Variants in RMP64 observed in about 807,000 individuals in gnomAD.
The protein encoded by RMP64 is nucleolus and neural progenitor protein.
chr3:113,005,108 G>C, the RMP64 span: 3 of 206,282 alleles, frequency 1.5e-5, no homozygotes, highest in African/African-American at 7.0e-5. Context: ...GTATAATGGA[G>C]CCAATAAGAC....
the RMP64 span, chr3:113,012,546 A>G: frequency 4.5e-6 from 2 of 439,974 alleles, no homozygotes; most frequent in Admixed American, 4.0e-5. Context: ...TACAAAGCCT[A>G]CTCCTTTGAT....
the RMP64 span, chr3:113,019,253 T>A: frequency 2.2e-6 from 1 of 459,042 alleles, no homozygotes; most frequent in Non-Finnish European, 3.9e-6. Context: ...CGGCACCAGC[T>A]GAGTCCACCT....
the RMP64 span, chr3:113,014,031 A>G: frequency 1.9e-6 from 3 of 1,605,292 alleles, no homozygotes; most frequent in South Asian, 1.1e-5. Flanking sequence ...ACATTGCTCA[A>G]CCTGAAAGAA....
At chr3:113,019,399 G>A in the RMP64 span, 3 of 652,278 alleles carry the variant, frequency 4.6e-6, no homozygotes, top group African/African-American at 3.7e-5. Flanking sequence ...TGCTGGGACC[G>A]CTCGACCCCT....
the RMP64 span, chr3:113,017,557 A>C: frequency 6.2e-7 from 1 of 1,614,048 alleles, no homozygotes; most frequent in South Asian, 1.1e-5. Flanking sequence ...CTTCAGCGAC[A>C]GTATGACGAG....
At chr3:113,010,965 GC>G in the RMP64 span, 1 of 1,276,758 alleles carries the variant, frequency 7.8e-7, no homozygotes, top group Non-Finnish European at 1.1e-6. Flanking sequence ...TCTATGCAAT[GC>G]ATGACTATTA....
the RMP64 span, chr3:113,010,723 T>C: frequency 3.7e-6 from 6 of 1,603,268 alleles, no homozygotes; most frequent in East Asian, 1.1e-4. Flanking sequence ...GTGGAAAAAT[T>C]GCAGATACAA....
At chr3:113,015,554 T>C in the RMP64 span, among the ~76,000 whole-genome samples, 1 of 151,162 alleles carries the variant, frequency 6.6e-6, no homozygotes, top group Non-Finnish European at 1.5e-5. Context: ...TCTGCCAGCA[T>C]GCCCTACATG....
the RMP64 span, chr3:113,013,407 G>T: frequency 2.7e-6 from 4 of 1,498,314 alleles, no homozygotes; most frequent in East Asian, 2.5e-5. Context: ...ATTTTCACTT[G>T]AAAAAAATAG....
At chr3:113,011,261 G>C in the RMP64 span, 1 of 1,613,354 alleles carries the variant, frequency 6.2e-7, no homozygotes, top group East Asian at 2.2e-5. Context: ...TCAAAATATG[G>C]CTGTCCTAAA....
chr3:113,002,992 AG>A, the RMP64 span: 7 of 152,428 alleles, frequency 4.6e-5, no homozygotes, highest in African/African-American at 1.7e-4. Flanking sequence ...GAGGATTGGA[AG>A]TGACACACAG....
At chr3:113,009,006 C>A in the RMP64 span, among the ~76,000 whole-genome samples, 3 of 152,092 alleles carry the variant, frequency 2.0e-5, no homozygotes, top group African/African-American at 7.2e-5. Context: ...CTGGGCAAAC[C>A]TCCTCAATTT....
chr3:113,010,156 A>G, the RMP64 span, among the ~76,000 whole-genome samples: 1 of 152,328 alleles, frequency 6.6e-6, no homozygotes, highest in South Asian at 2.1e-4. Context: ...ACCGTAGCTA[A>G]TAACATCTAA....
the RMP64 span, chr3:113,011,481 G>A: frequency 7.5e-7 from 1 of 1,333,980 alleles, no homozygotes; most frequent in Non-Finnish European, 1.0e-6. Context: ...CTGCAAGATT[G>A]AAAGCTGAAA....
At chr3:113,013,349 C>T in the RMP64 span, 1 of 1,613,802 alleles carries the variant, frequency 6.2e-7, no homozygotes, top group Non-Finnish European at 8.5e-7. Context: ...ACACCAACTC[C>T]ACCACTGGCT....
chr3:113,011,125 T>C, the RMP64 span: 2 of 1,613,414 alleles, frequency 1.2e-6, no homozygotes, highest in Non-Finnish European at 1.7e-6. Flanking sequence ...TTTAGCTTTT[T>C]TTGAAATTCC....
the RMP64 span, chr3:113,008,437 C>G: frequency 1.9e-6 from 3 of 1,602,154 alleles, no homozygotes; most frequent in Admixed American, 5.0e-5. Context: ...TCTCCTGAAA[C>G]GTGGAAAGAT....
At chr3:113,019,296 G>T in the RMP64 span, 2 of 544,400 alleles carry the variant, frequency 3.7e-6, no homozygotes, top group Non-Finnish European at 6.5e-6. Flanking sequence ...GCTGAGCCTT[G>T]GTCTTTCATC....
chr3:113,014,051 T>A, the RMP64 span: 4 of 1,534,122 alleles, frequency 2.6e-6, no homozygotes, highest in Non-Finnish European at 3.6e-6. Flanking sequence ...AGAAGAGCAG[T>A]TCAAATTCAT....
Sources: gnomAD v4.1 joint callset for allele counts (sites outside exome capture counted in the v4.1 genomes callset) on GRCh38, gnomAD v4.1.1 for gene constraint, MANE v1.5 for transcripts, NCBI Gene and HGNC (gene_info 2026-07-23, HGNC 2026-07-21) for gene names.